Variants in PARD3B observed in about 807,000 individuals in gnomAD.
PARD3B encodes partitioning defective 3 homolog B.
Under a neutral mutation model 130.2 loss-of-function variants are expected in PARD3B, and 103 were observed. That is an observed-to-expected ratio of 0.79 (90% CI 0.67 to 0.93). The LOEUF is 0.93. Among genes scored for constraint, PARD3B ranks in the 40% least tolerant of loss-of-function variants. The probability of loss-of-function intolerance (pLI) is 0.00; values close to 1 mark genes in which losing one functional copy is unlikely to be tolerated. For synonymous variants in PARD3B, 583 were observed against 553.2 expected (o/e 1.05, Z -0.76); for missense variants, 1,609 against 1,499.2 (o/e 1.07, Z -1.21).
chr2:204,788,885 A>T (rs2042101473), intron 2 of PARD3B, among the ~76,000 whole-genome samples: 1 of 152,206 alleles, frequency 6.6e-6, no homozygotes, highest in Non-Finnish European at 1.5e-5. Context: ...TATGTATATT[A>T]TATTGTATAA....
chr2:205,300,614 T>C lies in PARD3B; in HGVS notation c.2270T>C (p.Val757Ala). 6.2e-7 allele frequency: 1 copy of C among 1,613,820 alleles called. No individual in the cohort carries two copies. Among genetic ancestry groups the C allele is most frequent in the Non-Finnish European group, 8.5e-7 (1 of 1,180,002 alleles). The change falls in exon 17 of 23, where the codon GTC (valine) becomes GCC (alanine). Residue 757 changes from valine to alanine, a missense_variant. Transcript: ENST00000406610. The surrounding 1 kb of genome is among the most constrained non-coding windows in gnomAD (Gnocchi z 4.1). ...AGTCTGCAGACTGCAGTGGCCGAGG[T>C]CAGGAAGAATGACCTTCCCTTTCAC... is the stretch of plus-strand genomic sequence containing the variant. ...LESLQTAVAE[V>A]RKNDLPFHRP...
intron 13 of PARD3B, among the ~76,000 whole-genome samples, chr2:205,180,860 G>T (rs967829145): frequency 2.0e-5 from 3 of 152,170 alleles, no homozygotes; most frequent in Non-Finnish European, 4.4e-5. Flanking sequence ...TGGTAATAGG[G>T]ATGGAGGCTG....
intron 3 of PARD3B, among the ~76,000 whole-genome samples, chr2:205,027,004 G>T (rs990461687): frequency 6.6e-6 from 1 of 152,132 alleles, no homozygotes; most frequent in South Asian, 2.1e-4. Context: ...GAACATGAGG[G>T]TGTAGATACC....
intron 4 of PARD3B, among the ~76,000 whole-genome samples, chr2:205,055,478 G>C (rs1224246278): frequency 6.6e-6 from 1 of 152,148 alleles, no homozygotes; most frequent in Non-Finnish European, 1.5e-5. Context: ...TGACAGTGTT[G>C]TTTGAAATTT....
chr2:205,143,822 A>G (rs1285764185), intron 10 of PARD3B, among the ~76,000 whole-genome samples: 2 of 152,064 alleles, frequency 1.3e-5, no homozygotes, highest in Non-Finnish European at 2.9e-5. Flanking sequence ...CCAAGATGCT[A>G]CTCTGAGGTT....
intron 2 of PARD3B, among the ~76,000 whole-genome samples, chr2:204,886,068 G>A (rs2046261842): frequency 6.6e-6 from 1 of 152,004 alleles, no homozygotes; most frequent in Admixed American, 6.6e-5. Flanking sequence ...CACAATTTTG[G>A]GGCTTAATGA....
At chr2:204,837,544 C>G (rs2044091483) in intron 2 of PARD3B, among the ~76,000 whole-genome samples, 1 of 151,888 alleles carries the variant, frequency 6.6e-6, no homozygotes. Flanking sequence ...CCTTGGTTCC[C>G]AAATAGCTGG....
chr2:204,580,915 C>T (rs2032519804), intron 1 of PARD3B, among the ~76,000 whole-genome samples: 1 of 152,156 alleles, frequency 6.6e-6, no homozygotes, highest in Non-Finnish European at 1.5e-5. Flanking sequence ...TTTTAAATTA[C>T]AGTACTCATC....
chr2:205,279,296 A>G (rs948258347), intron 16 of PARD3B, among the ~76,000 whole-genome samples: 1 of 152,024 alleles, frequency 6.6e-6, no homozygotes, highest in Non-Finnish European at 1.5e-5. Flanking sequence ...TTGGGACACT[A>G]TAGCCTCTAT....
Position 205,036,757 on chromosome 2 carries a change from C to T in PARD3B, c.395-10824C>T, listed in dbSNP as rs532179167. On this transcript the variant is annotated intron_variant, in intron 3 of 22. Coordinates refer to ENST00000406610, the MANE Select transcript of PARD3B (RefSeq NM_001302769.2). ...ATGTACAAAAAATATATATACACAG[C>T]GGACTGTATGTACAAAAAATATATA... 3.9e-4 allele frequency among the ~76,000 whole-genome samples: 57 copies of T among 147,566 alleles called. No homozygotes were observed. In the South Asian group the frequency reaches 6.9e-3, roughly 18 times the overall value.
At chr2:204,695,869 G>A (rs2125264263) in intron 2 of PARD3B, among the ~76,000 whole-genome samples, 1 of 152,150 alleles carries the variant, frequency 6.6e-6, no homozygotes, top group East Asian at 1.9e-4. Flanking sequence ...AAGAGTTAGT[G>A]CTGAGAGTAT....
chr2:204,810,832 T>C (rs1247993056), intron 2 of PARD3B, among the ~76,000 whole-genome samples: 1 of 152,180 alleles, frequency 6.6e-6, no homozygotes, highest in Non-Finnish European at 1.5e-5. Context: ...ATAAATTTGA[T>C]GGGGAGGAGT....
intron 20 of PARD3B, among the ~76,000 whole-genome samples, chr2:205,480,522 G>A (rs902095810): frequency 3.3e-5 from 5 of 152,110 alleles, no homozygotes; most frequent in African/African-American, 4.8e-5. Context: ...ATGTGGTTAA[G>A]GACCTTATAT....
At position 204,990,135 on chromosome 2, in the gene PARD3B, T is replaced by A. The variant is rs1013272417; in HGVS notation, c.394+24812T>A. ...AATTTTATGGATATGAAATATTTCA[T>A]TGTGATTGAGCTCAAGCATATTTTA... On this transcript the variant is annotated intron_variant, in intron 3 of 22. Transcript: ENST00000406610. Among the ~76,000 whole-genome samples, 4 of 152,116 alleles carry A rather than the reference T, an allele frequency of 2.6e-5. No individual in the cohort carries two copies. The East Asian group carries it at 7.7e-4, about 29-fold the overall frequency.
chr2:205,220,287 C>T (rs1046637085), intron 15 of PARD3B, among the ~76,000 whole-genome samples: 3 of 152,144 alleles, frequency 2.0e-5, no homozygotes, highest in Non-Finnish European at 4.4e-5. Context: ...CTTCCTTTCT[C>T]TTCCGCCTGT....
chr2:204,591,129 T>A (rs190800215), intron 1 of PARD3B, among the ~76,000 whole-genome samples: 89 of 152,352 alleles, frequency 5.8e-4, no homozygotes, highest in African/African-American at 2.0e-3. Context: ...ACTATGTTTC[T>A]TTTTCATCTG....
intron 18 of PARD3B, among the ~76,000 whole-genome samples, chr2:205,386,683 T>A (rs2045672570): frequency 6.6e-6 from 1 of 151,588 alleles, no homozygotes; most frequent in African/African-American, 2.4e-5. Context: ...AGGATTCAGA[T>A]TTTTCAGTTC....
intron 3 of PARD3B, among the ~76,000 whole-genome samples, chr2:204,976,905 C>A (rs1156656323): frequency 1.3e-5 from 2 of 152,106 alleles, no homozygotes; most frequent in Non-Finnish European, 2.9e-5. Context: ...CCAGTCCCAC[C>A]TAGCCATGCA....
intron 2 of PARD3B, among the ~76,000 whole-genome samples, chr2:204,909,296 TA>T (rs1292143949): frequency 6.6e-6 from 1 of 152,188 alleles, no homozygotes; most frequent in Non-Finnish European, 1.5e-5. Flanking sequence ...AGACAAAATT[TA>T]AAAACAGATG....
Sources: allele counts gnomAD v4.1 joint callset (sites outside exome capture counted in the v4.1 genomes callset), GRCh38; gene constraint gnomAD v4.1.1; non-coding constraint Gnocchi (gnomAD v3.1); transcripts MANE v1.5; gene names NCBI Gene and HGNC (gene_info 2026-07-23, HGNC 2026-07-21).